Variants in LYRM4 observed in about 807,000 individuals in gnomAD.
The protein encoded by LYRM4 is LYR motif containing 4.
Under a neutral mutation model 11.7 loss-of-function variants are expected in LYRM4, and 9 were observed. The ratio of observed to expected loss-of-function variants is 0.77; its 90% CI spans 0.46 to 1.34. LYRM4 has a LOEUF of 1.34. LYRM4 is among the 40% of genes most tolerant of loss of function. LYRM4 has a pLI of 0.00. For missense variants in LYRM4, 133 were observed against 112.5 expected, an observed-to-expected ratio of 1.18 and a Z score of -0.82; for synonymous variants, 42 against 40.4, an observed-to-expected ratio of 1.04 and a Z score of -0.15.
At chr6:5,135,555 C>T (rs113831111) in intron 2 of LYRM4, among the ~76,000 whole-genome samples, 1 of 149,062 alleles carries the variant, frequency 6.7e-6, no homozygotes, top group Non-Finnish European at 1.5e-5. Context: ...GTGGAGGGTG[C>T]GGATCGCTCC....
intron 1 of LYRM4, among the ~76,000 whole-genome samples, chr6:5,237,417 A>G (rs1763614389): frequency 1.3e-5 from 2 of 152,004 alleles, no homozygotes; most frequent in East Asian, 3.9e-4. Context: ...TTGCAGGAAA[A>G]CAAGCTCAGC....
At chr6:5,157,694 T>C (rs919931636) in intron 2 of LYRM4, among the ~76,000 whole-genome samples, 3 of 151,624 alleles carry the variant, frequency 2.0e-5, no homozygotes, top group African/African-American at 4.9e-5. Flanking sequence ...TGGCTCCCAG[T>C]TTCTCCGAGA....
At chr6:5,074,937 G>T in the LYRM4 span, among the ~76,000 whole-genome samples, 1 of 152,108 alleles carries the variant, frequency 6.6e-6, no homozygotes, top group African/African-American at 2.4e-5. Context: ...TATGGGGGTG[G>T]ATTTCTCATA....
At chr6:5,137,466 A>G (rs1303262452) in intron 2 of LYRM4, among the ~76,000 whole-genome samples, 2 of 152,156 alleles carry the variant, frequency 1.3e-5, no homozygotes, top group Non-Finnish European at 2.9e-5. Flanking sequence ...AAGCTCCTGG[A>G]GTTGGCCCCA....
At chr6:5,073,175 G>T in the LYRM4 span, among the ~76,000 whole-genome samples, 2 of 152,056 alleles carry the variant, frequency 1.3e-5, no homozygotes, top group Non-Finnish European at 2.9e-5. Context: ...TGAGGCCAGA[G>T]TTCGAGACCA....
chr6:5,221,232 A>G (rs1338801228), intron 1 of LYRM4, among the ~76,000 whole-genome samples: 1 of 152,180 alleles, frequency 6.6e-6, no homozygotes, highest in Non-Finnish European at 1.5e-5. Flanking sequence ...TATTCATAAG[A>G]TCTCTGCCAG....
the LYRM4 span, chr6:5,088,103 A>G: frequency 1.4e-5 from 2 of 145,660 alleles, no homozygotes; most frequent in African/African-American, 5.7e-5. Context: ...TTTTCTTATT[A>G]TTATTTTTCG....
the LYRM4 span, among the ~76,000 whole-genome samples, chr6:5,043,631 A>G: frequency 1.3e-5 from 2 of 152,130 alleles, no homozygotes; most frequent in Admixed American, 1.3e-4. Flanking sequence ...GGAAAACCCA[A>G]CAGTATGCTT....
In LYRM4 at chr6:5,216,696, AT is replaced by A; in HGVS notation, c.128del (p.Asn43IlefsTer4). On this transcript the variant is annotated frameshift_variant, in exon 2 of 3. Transcript: ENST00000330636. LOFTEE classifies it high-confidence loss of function. ...VRRIRDAFRE[N>X]KNVKDPVEIQ... ...TTTCTACAGGATCCTTTACATTTTT[AT>A]TTTCTCTGAAGGCATCTCTTATCCT... The A allele has an allele frequency of 6.2e-7, 1 of 1,613,610 alleles. No individual in the cohort carries two copies. The highest frequency in any genetic ancestry group is 8.5e-7 in the Non-Finnish European group (1 of 1,179,936).
rs374866987 is a variant in LYRM4 at position 5,223,870 on chromosome 6, T to C, written c.87-7132A>G. Among the ~76,000 whole-genome samples the C allele has an allele frequency of 4.6e-5, 7 of 152,310 alleles. No homozygotes were observed. In the East Asian group the frequency reaches 1.2e-3, roughly 25 times the overall value. Reference sequence around the variant, plus strand: ...TTTGGGTAGTTGTGAATAAAACCTATTACACACTTCCCTGTTTAAAAATGC... The same window carrying C: ...TTTGGGTAGTTGTGAATAAAACCTACTACACACTTCCCTGTTTAAAAATGC... On this transcript the variant is annotated intron_variant, in intron 1 of 2. Coordinates refer to ENST00000330636, the MANE Select transcript of LYRM4 (RefSeq NM_020408.6).
the LYRM4 span, among the ~76,000 whole-genome samples, chr6:5,081,134 C>CAG: frequency 7.9e-6 from 1 of 126,114 alleles, no homozygotes; most frequent in African/African-American, 3.6e-5. Context: ...CACACTTGGG[C>CAG]GGGGGGGGGG....
chr6:5,247,952 G>C (rs943817217), intron 1 of LYRM4, among the ~76,000 whole-genome samples: 5 of 152,092 alleles, frequency 3.3e-5, no homozygotes, highest in African/African-American at 1.2e-4. Context: ...GGATGAAAAA[G>C]AGAGAAATAA....
the LYRM4 span, chr6:5,086,838 G>A: frequency 3.6e-5 from 18 of 495,874 alleles, no homozygotes; most frequent in Admixed American, 1.9e-4. Flanking sequence ...CCCAGCCTGC[G>A]TCAGAATAGG....
At chr6:5,199,444 C>T (rs2127702556) in intron 2 of LYRM4, among the ~76,000 whole-genome samples, 1 of 152,238 alleles carries the variant, frequency 6.6e-6, no homozygotes. Flanking sequence ...TAAAATTGAT[C>T]ATGGTGATGG....
chr6:5,182,933 T>G (rs1042839391), intron 2 of LYRM4, among the ~76,000 whole-genome samples: 1 of 152,276 alleles, frequency 6.6e-6, no homozygotes, highest in Non-Finnish European at 1.5e-5. Context: ...TTAATCTGCA[T>G]GCATGATTTT....
At chr6:5,239,905 T>C (rs35039476) in intron 1 of LYRM4, among the ~76,000 whole-genome samples, 7,454 of 152,148 alleles carry the variant, frequency 0.049, 603 homozygotes, top group African/African-American at 0.16. Flanking sequence ...GAACAGTACC[T>C]GGCCATGGCG....
chr6:5,115,298 T>C (rs1191856999), intron 2 of LYRM4, among the ~76,000 whole-genome samples: 1 of 152,240 alleles, frequency 6.6e-6, no homozygotes, highest in Non-Finnish European at 1.5e-5. Flanking sequence ...CCAGAAGGTC[T>C]GTTTGTCCGG....
chr6:5,254,705 A>G (rs1764588986), intron 1 of LYRM4, among the ~76,000 whole-genome samples: 1 of 152,132 alleles, frequency 6.6e-6, no homozygotes. Flanking sequence ...AATAAACTCA[A>G]CTTTCCACCC....
At chr6:5,097,807 T>G in the LYRM4 span, among the ~76,000 whole-genome samples, 1 of 152,206 alleles carries the variant, frequency 6.6e-6, no homozygotes. Context: ...ACCGCAGATG[T>G]GTATTAAGCA....
Sources: allele counts gnomAD v4.1 joint callset (sites outside exome capture counted in the v4.1 genomes callset), GRCh38; gene constraint gnomAD v4.1.1; transcripts MANE v1.5; gene names NCBI Gene and HGNC (gene_info 2026-07-23, HGNC 2026-07-21).